The following LDLRAD4 variants were observed in gnomAD, a reference collection of about 807,000 sequenced individuals.
LDLRAD4 encodes the protein low density lipoprotein receptor class A domain containing 4, also known as low-density lipoprotein receptor class A domain-containing protein 4.
In LDLRAD4, 5 loss-of-function variants were observed where a neutral mutation model predicts 17.0. The observed-to-expected ratio is 0.29, with a 90% confidence interval of 0.15 to 0.62. The LOEUF (loss-of-function observed/expected upper bound fraction) is 0.62. LDLRAD4 is among the 20% of genes least tolerant of loss of function. The pLI is 0.84. For synonymous variants in LDLRAD4, 168 were observed against 171.8 expected (o/e 0.98, Z 0.17); for missense variants, 340 against 424.7 (o/e 0.80, Z 1.75).
intron 3 of LDLRAD4, among the ~76,000 whole-genome samples, chr18:13,567,752 TAAA>T (rs3833176): frequency 0.19 from 28,227 of 150,154 alleles, 2,860 homozygotes; most frequent in East Asian, 0.34. Flanking sequence ...CTTTTTTTGT[TAAA>T]AAAAAAAAAA....
intron 1 of LDLRAD4, among the ~76,000 whole-genome samples, chr18:13,341,679 A>C (rs1441696197): frequency 6.6e-6 from 1 of 152,132 alleles, no homozygotes; most frequent in African/African-American, 2.4e-5. Context: ...GACATCTGTG[A>C]ACAGAGATAA....
In LDLRAD4 at chr18:13,645,527, G is replaced by A; in HGVS notation, c.791G>A (p.Gly264Asp). ...AGCGAGGTGATGGGCCACCACCCAG[G>A]CGCCTCTTTCCTCCATCACCAGCGC... The change falls in exon 6 of 6, where the codon GGC becomes GAC. Residue 264 changes from glycine to aspartate, a missense_variant. By Grantham distance (94) the Gly-to-Asp change is moderately conservative. Coordinates refer to ENST00000359446, the Ensembl canonical transcript of LDLRAD4. The surrounding 1 kb of genome is among the most constrained non-coding windows in gnomAD (Gnocchi z 5.7). 1 of 1,610,966 alleles carries A rather than the reference G, an allele frequency of 6.2e-7. No homozygotes were observed. Among genetic ancestry groups the A allele is most frequent in the Non-Finnish European group, 8.5e-7 (1 of 1,178,714 alleles).
At chr18:13,473,501 T>C (rs1215002266) in intron 3 of LDLRAD4, among the ~76,000 whole-genome samples, 4 of 151,332 alleles carry the variant, frequency 2.6e-5, no homozygotes, top group African/African-American at 9.7e-5. Context: ...TAGCTGGGTG[T>C]AGTGATGCAT....
intron 3 of LDLRAD4, among the ~76,000 whole-genome samples, chr18:13,449,540 C>G (rs536507236): frequency 6.6e-6 from 1 of 152,268 alleles, no homozygotes; most frequent in Non-Finnish European, 1.5e-5. Context: ...AGAGGAGAAT[C>G]TCAGATTGCC....
intron 3 of LDLRAD4, among the ~76,000 whole-genome samples, chr18:13,485,026 AT>A (rs1268968996): frequency 6.6e-6 from 1 of 152,172 alleles, no homozygotes; most frequent in East Asian, 1.9e-4. Flanking sequence ...CCGTCTCCCT[AT>A]TTGGAGAAAT....
intron 3 of LDLRAD4, among the ~76,000 whole-genome samples, chr18:13,492,033 G>T (rs2093368277): frequency 6.6e-6 from 1 of 152,188 alleles, no homozygotes; most frequent in Non-Finnish European, 1.5e-5. Flanking sequence ...CAGTAGCATG[G>T]TTTATGCTAC....
intron 1 of LDLRAD4, among the ~76,000 whole-genome samples, chr18:13,245,241 C>T (rs1049302594): frequency 2.6e-5 from 4 of 152,178 alleles, no homozygotes; most frequent in Non-Finnish European, 5.9e-5. Context: ...TGACTTCATC[C>T]CAGCCCCTCT....
intron 1 of LDLRAD4, among the ~76,000 whole-genome samples, chr18:13,243,312 G>A (rs1349528451): frequency 1.3e-5 from 2 of 152,094 alleles, no homozygotes; most frequent in African/African-American, 4.8e-5. Context: ...TCTGTAGAGT[G>A]GACACTGGAA....
chr18:13,537,438 ATTC>A (rs2147899430), intron 3 of LDLRAD4, among the ~76,000 whole-genome samples: 1 of 152,266 alleles, frequency 6.6e-6, no homozygotes, highest in East Asian at 1.9e-4. Context: ...CATTAGTTAG[ATTC>A]TCATAAGGAG....
At chr18:13,481,768 C>T (rs1389717274) in intron 3 of LDLRAD4, among the ~76,000 whole-genome samples, 1 of 152,204 alleles carries the variant, frequency 6.6e-6, no homozygotes, top group African/African-American at 2.4e-5. Context: ...TTCTGTTCTC[C>T]ATGAGCCCCT....
intron 3 of LDLRAD4, among the ~76,000 whole-genome samples, chr18:13,459,009 A>G (rs979852829): frequency 3.2e-4 from 48 of 152,282 alleles, no homozygotes; most frequent in African/African-American, 1.1e-3. Context: ...GTAGAACTGT[A>G]AAGTAACAAA....
chr18:13,521,798 A>C (rs950193272), intron 3 of LDLRAD4: 11 of 151,448 alleles, frequency 7.3e-5, no homozygotes, highest in African/African-American at 2.4e-4. Context: ...ATATATGGAA[A>C]AATAAGGAAA....
Position 13,286,627 on chromosome 18 carries a change from C to T in LDLRAD4, c.-383+8439C>T, listed in dbSNP as rs556953026. Among the ~76,000 whole-genome samples the T allele has an allele frequency of 4.6e-5, 7 of 152,314 alleles. No homozygotes were observed. The South Asian group carries it at 8.3e-4, about 18-fold the overall frequency. On this transcript the variant is annotated intron_variant, in intron 1 of 5. Transcript: ENST00000359446. ...GCGCCATGAGGTTTTGAATGCTCTG[C>T]ATAGATTATCCCATACGATGTGGGA...
intron 4 of LDLRAD4, 82 bp from the exon 6 acceptor site, chr18:13,643,277 T>C: frequency 1.1e-6 from 1 of 899,770 alleles, no homozygotes; most frequent in Non-Finnish European, 1.7e-6. Flanking sequence ...GAAGTTGTGC[T>C]TCATGTTTTT....
intron 4 of LDLRAD4, among the ~76,000 whole-genome samples, chr18:13,625,804 G>A (rs1168590185): frequency 2.7e-5 from 3 of 109,334 alleles, no homozygotes; most frequent in Non-Finnish European, 3.7e-5. Flanking sequence ...CCCCTCAGCC[G>A]GCGCCCTCCT....
rs116243920 is a variant in LDLRAD4 at position 13,601,739 on chromosome 18, G to T, written c.182-19378G>T. Among the ~76,000 whole-genome samples the T allele has an allele frequency of 7.0e-3, 1,061 of 151,786 alleles. 14 individuals carry two copies. The highest frequency in any genetic ancestry group is 0.024 in the African/African-American group (1,013 of 41,392). On this transcript the variant is annotated intron_variant, in intron 3 of 5. Coordinates refer to ENST00000359446, the Ensembl canonical transcript of LDLRAD4. ...AATGCAAGTTAGTTCAGCCACTATA[G>T]AATGCAGTTTGGAGATTTCTCAAAG...
At chr18:13,265,439 G>A (rs1347354833) in intron 1 of LDLRAD4, among the ~76,000 whole-genome samples, 1 of 152,184 alleles carries the variant, frequency 6.6e-6, no homozygotes, top group African/African-American at 2.4e-5. Flanking sequence ...TGTGCTGCCT[G>A]GAGCATGGCT....
intron 1 of LDLRAD4, among the ~76,000 whole-genome samples, chr18:13,313,156 T>C (rs2146765733): frequency 6.6e-6 from 1 of 152,360 alleles, no homozygotes; most frequent in Non-Finnish European, 1.5e-5. Flanking sequence ...CTGTTATTTG[T>C]ACGTGTTCTG....
chr18:13,305,061 G>T (rs373928359), intron 1 of LDLRAD4, among the ~76,000 whole-genome samples: 1 of 151,528 alleles, frequency 6.6e-6, no homozygotes. Flanking sequence ...TCAAATATTT[G>T]AATAAACTTG....
Sources: allele counts gnomAD v4.1 joint callset (sites outside exome capture counted in the v4.1 genomes callset), GRCh38; gene constraint gnomAD v4.1.1; non-coding constraint Gnocchi (gnomAD v3.1); transcripts MANE v1.5; gene names NCBI Gene and HGNC (gene_info 2026-07-23, HGNC 2026-07-21).